CDH13: variants seen among roughly 807,000 people sequenced by gnomAD.
The protein encoded by CDH13 is cadherin-13.
In CDH13, 24 loss-of-function variants were observed where a neutral mutation model predicts 63.8. That is an observed-to-expected ratio of 0.38 (90% CI 0.27 to 0.53). The LOEUF (loss-of-function observed/expected upper bound fraction) is 0.53. CDH13 is among the 20% of genes least tolerant of loss of function. The pLI, the probability that CDH13 is intolerant of heterozygous loss-of-function variation, is 0.85. For synonymous variants in CDH13, 503 were observed against 355.3 expected (o/e 1.42, Z -4.67); for missense variants, 1,049 against 903.1 (o/e 1.16, Z -2.07).
chr16:82,679,507 A>G (rs564529934), intron 1 of CDH13, among the ~76,000 whole-genome samples: 1 of 152,350 alleles, frequency 6.6e-6, no homozygotes, highest in South Asian at 2.1e-4. Context: ...ACGCCTGGTA[A>G]GATGCCAAAT....
chr16:82,760,153 C>T (rs1417740075), intron 1 of CDH13, among the ~76,000 whole-genome samples: 1 of 152,108 alleles, frequency 6.6e-6, no homozygotes, highest in Non-Finnish European at 1.5e-5. Context: ...TTCCAGAACA[C>T]CTATTTCAGG....
chr16:83,609,255 A>G (rs1272012910), intron 8 of CDH13, among the ~76,000 whole-genome samples: 2 of 152,124 alleles, frequency 1.3e-5, no homozygotes, highest in Non-Finnish European at 2.9e-5. Context: ...TTTTTAGCTC[A>G]TCAGCTATCA....
intron 1 of CDH13, among the ~76,000 whole-genome samples, chr16:82,662,752 G>A (rs751835698): frequency 5.9e-5 from 9 of 152,198 alleles, no homozygotes; most frequent in East Asian, 1.9e-4. Flanking sequence ...GTCAAATAGC[G>A]CCTGAGAGGC....
At chr16:82,852,522 C>T (rs1302768238) in intron 1 of CDH13, among the ~76,000 whole-genome samples, 1 of 152,178 alleles carries the variant, frequency 6.6e-6, no homozygotes, top group Non-Finnish European at 1.5e-5. Context: ...CGTGAGAATC[C>T]TTCCACCCTT....
At chr16:82,769,766 C>T (rs957477947) in intron 1 of CDH13, among the ~76,000 whole-genome samples, 1 of 152,170 alleles carries the variant, frequency 6.6e-6, no homozygotes, top group Non-Finnish European at 1.5e-5. Flanking sequence ...TTCCATTGAC[C>T]TGGCTTTTCT....
rs2034539594 is a variant in CDH13, at chr16:82,754,501, A to G, written c.46-103861A>G. Among the ~76,000 whole-genome samples the G allele has an allele frequency of 2.0e-5, 3 of 152,278 alleles. No individual in the cohort carries two copies. The South Asian group carries it at 6.2e-4, about 32-fold the overall frequency. On this transcript the variant is annotated intron_variant, in intron 1 of 13. Coordinates refer to ENST00000567109, the MANE Select transcript of CDH13 (RefSeq NM_001257.5). ...TTCTAGAAAAGGGGTCACTGTTTGT[A>G]GGAATTGTCTAGGATTCCTGAGAAC... is the stretch of plus-strand genomic sequence containing the variant.
At chr16:83,684,906 G>C (rs770169202) in intron 10 of CDH13, among the ~76,000 whole-genome samples, 6 of 152,074 alleles carry the variant, frequency 3.9e-5, no homozygotes, top group Non-Finnish European at 7.4e-5. Context: ...ACATAAAGTA[G>C]GTCTAGAGCA....
At chr16:83,431,423 A>G (rs1164689244) in intron 6 of CDH13, among the ~76,000 whole-genome samples, 5 of 151,932 alleles carry the variant, frequency 3.3e-5, no homozygotes, top group Non-Finnish European at 5.9e-5. Context: ...GCAGAGAGGA[A>G]ACAGAGCAGA....
At chr16:82,896,023 A>G (rs910095012) in intron 2 of CDH13, among the ~76,000 whole-genome samples, 2 of 151,922 alleles carry the variant, frequency 1.3e-5, no homozygotes, top group African/African-American at 2.4e-5. Flanking sequence ...ATCAAACACT[A>G]CCTCTTTAAG....
At chr16:82,712,159 C>G (rs1435637598) in intron 1 of CDH13, among the ~76,000 whole-genome samples, 1 of 152,158 alleles carries the variant, frequency 6.6e-6, no homozygotes, top group African/African-American at 2.4e-5. Flanking sequence ...ATTGAATGTT[C>G]TACAGACTTA....
At chr16:83,424,769 A>G (rs1187622272) in intron 6 of CDH13, among the ~76,000 whole-genome samples, 1 of 152,198 alleles carries the variant, frequency 6.6e-6, no homozygotes, top group Non-Finnish European at 1.5e-5. Context: ...CACACACATT[A>G]CAGATGAAGC....
chr16:82,830,992 ACTGAGCTGAAG>A (rs2038515315), intron 1 of CDH13, among the ~76,000 whole-genome samples: 1 of 152,168 alleles, frequency 6.6e-6, no homozygotes, highest in African/African-American at 2.4e-5. Flanking sequence ...CAGAGCTGAA[ACTGAGCTGAAG>A]CTACGGCCCC....
chr16:83,763,428 T>C (rs1914135728), intron 11 of CDH13, among the ~76,000 whole-genome samples: 1 of 152,198 alleles, frequency 6.6e-6, no homozygotes, highest in African/African-American at 2.4e-5. Context: ...AAAATTGTTA[T>C]TCAGCCCCAG....
At chr16:82,724,464 C>T (rs2032972677) in intron 1 of CDH13, among the ~76,000 whole-genome samples, 1 of 152,068 alleles carries the variant, frequency 6.6e-6, no homozygotes, top group Admixed American at 6.6e-5. Flanking sequence ...TAAACTGAGG[C>T]CTTGAGACAT....
chr16:83,663,869 A>G (rs1194797351), intron 8 of CDH13, among the ~76,000 whole-genome samples: 1 of 152,124 alleles, frequency 6.6e-6, no homozygotes, highest in Non-Finnish European at 1.5e-5. Context: ...TCAGATAAAG[A>G]GAGGAGAAGG....
At chr16:83,459,058 C>G (rs1158971893) in intron 6 of CDH13, among the ~76,000 whole-genome samples, 1 of 152,200 alleles carries the variant, frequency 6.6e-6, no homozygotes, top group Non-Finnish European at 1.5e-5. Flanking sequence ...TATGACTAAT[C>G]TAAGAACCAA....
chr16:83,405,169 T>G (rs2092023311), intron 6 of CDH13, among the ~76,000 whole-genome samples: 1 of 152,186 alleles, frequency 6.6e-6, no homozygotes, highest in Admixed American at 6.5e-5. Flanking sequence ...TCTATGTGCA[T>G]TCTTTCAGGA....
In CDH13 at chr16:83,187,674, A is replaced by G. The variant is rs565499938; in HGVS notation, c.484-29671A>G. On this transcript the variant is annotated intron_variant, in intron 4 of 13. Transcript: ENST00000567109. ...AGCAAAAATGCATTGAGCTCCAGCTACATGATGAGGACTGCTGTAAATTCC... is the reference window on the plus strand; with the variant it reads ...AGCAAAAATGCATTGAGCTCCAGCTGCATGATGAGGACTGCTGTAAATTCC... 3.9e-5 allele frequency among the ~76,000 whole-genome samples: 6 copies of G among 152,304 alleles called. No homozygotes were observed. In the East Asian group the frequency reaches 1.2e-3, roughly 29 times the overall value.
At chr16:83,552,568 T>G (rs2075525503) in intron 7 of CDH13, among the ~76,000 whole-genome samples, 1 of 152,174 alleles carries the variant, frequency 6.6e-6, no homozygotes, top group East Asian at 1.9e-4. Flanking sequence ...AAAGTGCAAA[T>G]TACTTTTTTT....
Sources: allele counts gnomAD v4.1 joint callset (sites outside exome capture counted in the v4.1 genomes callset), GRCh38; gene constraint gnomAD v4.1.1; transcripts MANE v1.5; gene names NCBI Gene and HGNC (gene_info 2026-07-23, HGNC 2026-07-21).